Variants in EEF1AKMT1 observed in about 807,000 individuals in gnomAD.
The protein encoded by EEF1AKMT1 is EEF1A lysine methyltransferase 1, also known as N-6 adenine-specific DNA methyltransferase 2 (putative).
In EEF1AKMT1, 18 loss-of-function variants were observed where a neutral mutation model predicts 21.0. The ratio of observed to expected loss-of-function variants is 0.86; its 90% confidence interval spans 0.59 to 1.27. The LOEUF is 1.27. Ranked by LOEUF, EEF1AKMT1 falls within the 50% of genes most tolerant of loss-of-function variation. The pLI, the probability that EEF1AKMT1 is intolerant of heterozygous loss-of-function variation, is 0.00. For synonymous variants in EEF1AKMT1, 109 were observed against 94.8 expected (o/e 1.15, Z -0.87); for missense variants, 246 against 258.6 (o/e 0.95, Z 0.33).
chr13:20,760,168 A>C (rs1462850002), intron 1 of EEF1AKMT1, among the ~76,000 whole-genome samples: 1 of 151,726 alleles, frequency 6.6e-6, no homozygotes, highest in Admixed American at 6.6e-5. Context: ...AGAAAAGGGA[A>C]TGCTTATACA....
At position 20,728,825 on chromosome 13, in the gene EEF1AKMT1, G is replaced by A. The variant is rs541360176; in HGVS notation, c.*255C>T. The A allele has an allele frequency of 1.3e-4, 68 of 506,466 alleles. 1 individual carries two copies. In the South Asian group the frequency reaches 1.4e-3, roughly 10 times the overall value. 31.4% of individuals were successfully genotyped at this position (506,466 alleles called of 1,614,324 possible). ...TTCTGTTTTTACACATGTTAAATGAGGAGAGAAGATCAGGCAGATTCTAAG... is the reference window on the plus strand; with the variant it reads ...TTCTGTTTTTACACATGTTAAATGAAGAGAGAAGATCAGGCAGATTCTAAG... On this transcript the variant is annotated 3_prime_UTR_variant, in exon 5 of 5. Coordinates refer to ENST00000382758, the MANE Select transcript of EEF1AKMT1 (RefSeq NM_001318939.2).
intron 4 of EEF1AKMT1, 88 bp downstream of exon 4, chr13:20,731,753 A>G: frequency 9.8e-6 from 13 of 1,320,608 alleles, no homozygotes; most frequent in African/African-American, 1.5e-5. Flanking sequence ...TCACACAGGA[A>G]GTGGTGGACT....
chr13:20,753,243 C>G (rs997508198), intron 2 of EEF1AKMT1, among the ~76,000 whole-genome samples: 3 of 152,066 alleles, frequency 2.0e-5, no homozygotes, highest in Admixed American at 2.0e-4. Flanking sequence ...TTTTAGTTTC[C>G]AAAGTTTCTC....
At chr13:20,754,647 G>A (rs932858413) in intron 2 of EEF1AKMT1, among the ~76,000 whole-genome samples, 2 of 150,898 alleles carry the variant, frequency 1.3e-5, no homozygotes, top group African/African-American at 4.9e-5. Context: ...AGTAGCTCCT[G>A]CCTGTAATCC....
intron 4 of EEF1AKMT1, among the ~76,000 whole-genome samples, chr13:20,730,821 A>G (rs2058788956): frequency 6.6e-6 from 1 of 152,090 alleles, no homozygotes; most frequent in Non-Finnish European, 1.5e-5. Context: ...AAAGCTGGCC[A>G]CCCCGCAGCC....
At chr13:20,737,161 C>T (rs1033774786) in intron 3 of EEF1AKMT1, among the ~76,000 whole-genome samples, 2 of 152,060 alleles carry the variant, frequency 1.3e-5, no homozygotes, top group African/African-American at 2.4e-5. Flanking sequence ...GTCAGGAGTT[C>T]GAGACCAGCC....
At chr13:20,772,050 T>C (rs1280508097) in intron 1 of EEF1AKMT1, among the ~76,000 whole-genome samples, 3 of 152,098 alleles carry the variant, frequency 2.0e-5, no homozygotes, top group African/African-American at 7.2e-5. Flanking sequence ...TATTTTTAAC[T>C]ATTTTTTAAA....
intron 1 of EEF1AKMT1, among the ~76,000 whole-genome samples, chr13:20,769,694 T>C (rs1237365454): frequency 6.6e-6 from 1 of 152,088 alleles, no homozygotes; most frequent in African/African-American, 2.4e-5. Context: ...GAGAACAATA[T>C]GGCTTCCAGA....
At chr13:20,747,101 T>C (rs1421468614) in intron 2 of EEF1AKMT1, 1 of 156,754 alleles carries the variant, frequency 6.4e-6, no homozygotes, top group African/African-American at 2.4e-5. Context: ...TCCAGCTTCA[T>C]TCTCACAGGT....
At chr13:20,766,503 C>T (rs943302869) in intron 1 of EEF1AKMT1, among the ~76,000 whole-genome samples, 9 of 151,972 alleles carry the variant, frequency 5.9e-5, no homozygotes, top group Non-Finnish European at 1.0e-4. Context: ...AGCTGTGACT[C>T]TGTTATTTAA....
rs1284798502 is a variant in EEF1AKMT1, at chr13:20,738,127, AT to A, written c.145-323del. The stretch of plus-strand genomic sequence containing the variant: ...CCTTTGTGTGAGTTTTGCCAAAAAA[AT>A]AAAATAGACCTTGAATCTGATTAAG... On this transcript the variant is annotated intron_variant, in intron 2 of 4. Transcript: ENST00000382758. Among the ~76,000 whole-genome samples, 15 of 152,344 alleles carry A rather than the reference AT, an allele frequency of 9.8e-5. No homozygotes were observed. The South Asian group carries it at 2.3e-3, about 23-fold the overall frequency.
At chr13:20,745,420 T>C (rs552394665) in intron 2 of EEF1AKMT1, among the ~76,000 whole-genome samples, 2 of 152,212 alleles carry the variant, frequency 1.3e-5, no homozygotes, top group South Asian at 2.1e-4. Flanking sequence ...GTTGTATTCC[T>C]AGGTATTTTC....
chr13:20,758,784 A>T (rs1165066943), intron 1 of EEF1AKMT1, among the ~76,000 whole-genome samples: 1 of 152,238 alleles, frequency 6.6e-6, no homozygotes, highest in South Asian at 2.1e-4. Context: ...CTACAAGGCT[A>T]TAATAACCAA....
At chr13:20,753,124 C>T (rs115903506) in intron 2 of EEF1AKMT1, among the ~76,000 whole-genome samples, 4 of 152,056 alleles carry the variant, frequency 2.6e-5, no homozygotes, top group Admixed American at 6.5e-5. Context: ...CCATAGATTT[C>T]GGTATGTTGT....
rs2058775414 is a variant in EEF1AKMT1 at position 20,729,021 on chromosome 13, G to A, written c.*59C>T. 5 of 1,603,576 alleles carry A rather than the reference G, an allele frequency of 3.1e-6. No homozygotes were observed. The highest frequency in any genetic ancestry group is 2.7e-5 in the African/African-American group (2 of 74,582). On this transcript the variant is annotated 3_prime_UTR_variant, in exon 5 of 5. Transcript: ENST00000382758. ...AGATTATAACTTTTAAATCTACTAC[G>A]AAAATACAAAAAGAGGAATGTGACA...
At chr13:20,730,160 A>T (rs1282474916) in intron 4 of EEF1AKMT1, among the ~76,000 whole-genome samples, 1 of 152,216 alleles carries the variant, frequency 6.6e-6, no homozygotes, top group Non-Finnish European at 1.5e-5. Flanking sequence ...TTATTTTTTA[A>T]AAGTATCCCC....
In EEF1AKMT1 at chr13:20,762,174, T is replaced by C. The variant is rs915101086; in HGVS notation, c.-19-4557A>G. On this transcript the variant is annotated intron_variant, in intron 1 of 4. Transcript: ENST00000382758. ...GTTCATCTTTGATGTATTTCATCAGTCTTTTTTTTTTTTTTTTTTTTAATT... is the reference window on the plus strand; with the variant it reads ...GTTCATCTTTGATGTATTTCATCAGCCTTTTTTTTTTTTTTTTTTTTAATT... 3.0e-4 allele frequency among the ~76,000 whole-genome samples: 37 copies of C among 123,138 alleles called. No homozygotes were observed. In the South Asian group the frequency reaches 0.013, roughly 42 times the overall value. 80.8% of individuals were successfully genotyped at this position (123,138 alleles called of 152,430 possible).
At chr13:20,771,487 G>C (rs1196727672) in intron 1 of EEF1AKMT1, among the ~76,000 whole-genome samples, 1 of 152,108 alleles carries the variant, frequency 6.6e-6, no homozygotes, top group African/African-American at 2.4e-5. Flanking sequence ...GAGTCTCAAA[G>C]TCCTTATTCT....
intron 2 of EEF1AKMT1, among the ~76,000 whole-genome samples, chr13:20,740,018 C>A (rs1044814919): frequency 1.3e-5 from 2 of 152,208 alleles, no homozygotes; most frequent in Non-Finnish European, 2.9e-5. Flanking sequence ...TGCGCGGGAG[C>A]CCATGGTGGG....
Sources: allele counts gnomAD v4.1 joint callset (sites outside exome capture counted in the v4.1 genomes callset), GRCh38; gene constraint gnomAD v4.1.1; transcripts MANE v1.5; gene names NCBI Gene and HGNC (gene_info 2026-07-23, HGNC 2026-07-21).